DHRS7B: variants seen among roughly 807,000 people sequenced by gnomAD.
DHRS7B encodes peroxisomal reductase activating PPAR-gamma.
DHRS7B carries 24 observed loss-of-function variants against 26.4 expected under a neutral mutation model. That is an observed-to-expected ratio of 0.91 (90% CI 0.66 to 1.28). The LOEUF is 1.28. Among genes scored for constraint, DHRS7B ranks in the 50% most tolerant of loss-of-function variants. DHRS7B has a pLI of 0.00. For synonymous variants in DHRS7B, 142 were observed against 166.4 expected, an observed-to-expected ratio of 0.85 and a Z score of 1.13; for missense variants, 368 against 419.4, an observed-to-expected ratio of 0.88 and a Z score of 1.07.
intron 1 of DHRS7B, chr17:21,166,479 A>G: frequency 1.0e-6 from 1 of 982,672 alleles, no homozygotes. Flanking sequence ...GAGGTAGGAT[A>G]TTGTTCTTTT....
At chr17:21,130,402 ATAAAT>A (rs1687321010) in intron 1 of DHRS7B, among the ~76,000 whole-genome samples, 1 of 152,162 alleles carries the variant, frequency 6.6e-6, no homozygotes, top group African/African-American at 2.4e-5. Context: ...AAATAAATAA[ATAAAT>A]AAATAAATAA....
At chr17:21,182,928 C>T (rs1167971421) in intron 3 of DHRS7B, among the ~76,000 whole-genome samples, 1 of 152,192 alleles carries the variant, frequency 6.6e-6, no homozygotes, top group Non-Finnish European at 1.5e-5. Flanking sequence ...GTTTTCTCCT[C>T]TTCAGTTTTC....
At position 21,188,882 on chromosome 17, in the gene DHRS7B, T is replaced by C; in HGVS notation, c.772+19T>C. ...TATGGAGGTGAGGCCCGGTTTCTCT[T>C]TTCTCCTATGAAAATCTGTCGGTCA... is the stretch of plus-strand genomic sequence containing the variant. On this transcript the variant is annotated intron_variant, in intron 6 of 6. Coordinates refer to ENST00000395511, the MANE Select transcript of DHRS7B (RefSeq NM_015510.5). 1 of 1,614,174 alleles carries C rather than the reference T, an allele frequency of 6.2e-7. No homozygotes were observed. The highest frequency in any genetic ancestry group is 8.5e-7 in the Non-Finnish European group (1 of 1,180,020).
chr17:21,159,553 C>T (rs1163561285), intron 1 of DHRS7B, among the ~76,000 whole-genome samples: 1 of 151,908 alleles, frequency 6.6e-6, no homozygotes, highest in South Asian at 2.1e-4. Flanking sequence ...CCGCACCCGG[C>T]CAATATTTTC....
intron 1 of DHRS7B, among the ~76,000 whole-genome samples, chr17:21,145,539 A>G: frequency 6.6e-6 from 1 of 152,208 alleles, no homozygotes; most frequent in East Asian, 1.9e-4. Context: ...AGGTCACTTC[A>G]TTTTCCATTG....
At chr17:21,163,199 A>C (rs1567623646) in intron 1 of DHRS7B, among the ~76,000 whole-genome samples, 1 of 151,816 alleles carries the variant, frequency 6.6e-6, no homozygotes, top group Non-Finnish European at 1.5e-5. Flanking sequence ...GTCTCAAAAA[A>C]AAAACCAAAA....
Position 21,191,085 on chromosome 17 carries a change from G to T in DHRS7B, c.910G>T (p.Ala304Ser), listed in dbSNP as rs1974770081. ...PSLAVYLRTL[A>S]PGLFFSLMAS... ...CTTGGCTGTTTATCTTCGAACTCTG[G>T]CTCCTGGGCTCTTCTTCAGCCTCAT... is the stretch of plus-strand genomic sequence containing the variant. The change falls in exon 7 of 7, where the codon GCT becomes TCT. Residue 304 changes from alanine (A) to serine (S), a missense_variant. Coordinates refer to ENST00000395511, the MANE Select transcript of DHRS7B (RefSeq NM_015510.5). The T allele has an allele frequency of 6.2e-7, 1 of 1,614,046 alleles. No homozygotes were observed. The highest frequency in any genetic ancestry group is 1.3e-5 in the African/African-American group (1 of 74,940).
chr17:21,142,099 CGGCA>C (rs1331588080), intron 1 of DHRS7B, among the ~76,000 whole-genome samples: 2 of 152,268 alleles, frequency 1.3e-5, no homozygotes, highest in East Asian at 3.9e-4. Context: ...CTGGGAGCAT[CGGCA>C]GGCTAGTGTC....
chr17:21,170,805 TTCCTGGCTTCAC>T (rs964943206), intron 1 of DHRS7B, among the ~76,000 whole-genome samples: 2 of 152,172 alleles, frequency 1.3e-5, no homozygotes, highest in Non-Finnish European at 2.9e-5. Flanking sequence ...GTCCACAGTG[TTCCTGGCTTCAC>T]TCTGGCATCC....
intron 1 of DHRS7B, among the ~76,000 whole-genome samples, chr17:21,164,030 C>CTTTTTTT (rs35189205): frequency 1.0e-5 from 1 of 96,956 alleles, no homozygotes; most frequent in South Asian, 3.5e-4. Context: ...AATTGTTGTG[C>CTTTTTTT]TTTTTTTTTT....
chr17:21,161,562 C>T (rs982875876), intron 1 of DHRS7B, among the ~76,000 whole-genome samples: 3 of 152,026 alleles, frequency 2.0e-5, no homozygotes, highest in Non-Finnish European at 4.4e-5. Context: ...GTCCTTTAGG[C>T]TAAAAGGAAA....
intron 1 of DHRS7B, among the ~76,000 whole-genome samples, chr17:21,138,075 A>AAAAAAAAAATAT (rs1238830544): frequency 1.2e-4 from 4 of 33,226 alleles, no homozygotes; most frequent in African/African-American, 2.8e-4. Flanking sequence ...TTAAAAAAAA[A>AAAAAAAAAATAT]ATATATATAT....
At chr17:21,132,876 A>G (rs1174463887) in intron 1 of DHRS7B, among the ~76,000 whole-genome samples, 1 of 152,176 alleles carries the variant, frequency 6.6e-6, no homozygotes, top group Non-Finnish European at 1.5e-5. Context: ...TTCCTGTTTA[A>G]AGTTCCAGCT....
chr17:21,189,015 T>C (rs1974716329), intron 6 of DHRS7B, 152 bp downstream of exon 6: 1 of 1,012,428 alleles, frequency 9.9e-7, no homozygotes, highest in Non-Finnish European at 1.4e-6. Context: ...GTTCTAGATA[T>C]GGACTATTGA....
At chr17:21,133,303 G>T (rs1483363711) in intron 1 of DHRS7B, among the ~76,000 whole-genome samples, 1 of 152,134 alleles carries the variant, frequency 6.6e-6, no homozygotes, top group African/African-American at 2.4e-5. Flanking sequence ...ATGTGCCCAG[G>T]GTGGTCAGGG....
At chr17:21,150,123 A>AACAAAAC (rs1567619800) in intron 1 of DHRS7B, among the ~76,000 whole-genome samples, 3 of 120,774 alleles carry the variant, frequency 2.5e-5, no homozygotes, top group South Asian at 5.5e-4. Flanking sequence ...AAAAAAAAAA[A>AACAAAAC]AAAAAAAAAC....
At position 21,190,955 on chromosome 17, in the gene DHRS7B, C is replaced by A; in HGVS notation, c.780C>A (p.Asp260Glu). Residue 260 changes from aspartate to glutamate, a missense_variant, in exon 7 of 7, where the codon GAC becomes GAA. Transcript: ENST00000395511. ...TTGTTTTATTTATTTTAGTTATGGACACCACCACAGCCCAGGGCCGAAGCC... is the reference window on the plus strand; with the variant it reads ...TTGTTTTATTTATTTTAGTTATGGAAACCACCACAGCCCAGGGCCGAAGCC... ...TADGSRYGVM[D>E]TTTAQGRSPV... The A allele has an allele frequency of 1.2e-6, 2 of 1,614,118 alleles. No homozygotes were observed. The highest frequency in any genetic ancestry group is 1.7e-6 in the Non-Finnish European group (2 of 1,180,008).
intron 1 of DHRS7B, among the ~76,000 whole-genome samples, chr17:21,151,173 G>A (rs533971348): frequency 6.6e-6 from 1 of 152,206 alleles, no homozygotes; most frequent in Non-Finnish European, 1.5e-5. Context: ...ATGGCCGCAG[G>A]GCTTTGAATT....
At chr17:21,138,093 T>C (rs557212014) in intron 1 of DHRS7B, among the ~76,000 whole-genome samples, 3,878 of 77,760 alleles carry the variant, frequency 0.05, 130 homozygotes, top group African/African-American at 0.11. Flanking sequence ...TATATATATA[T>C]ATATATATAC....
Sources: gnomAD v4.1 joint callset for allele counts (sites outside exome capture counted in the v4.1 genomes callset) on GRCh38, gnomAD v4.1.1 for gene constraint, MANE v1.5 for transcripts, NCBI Gene and HGNC (gene_info 2026-07-23, HGNC 2026-07-21) for gene names.